Variants in PTPRD observed in about 807,000 individuals in gnomAD.
PTPRD encodes receptor-type tyrosine-protein phosphatase delta.
A neutral mutation model predicts 214.5 loss-of-function variants in PTPRD; 34 were observed. That is an observed-to-expected ratio of 0.16 (90% CI 0.12 to 0.21). The LOEUF is 0.21. PTPRD is among the 10% of genes least tolerant of loss of function. The pLI, the probability that PTPRD is intolerant of heterozygous loss-of-function variation, is 1.00. For synonymous variants in PTPRD, 1,128 were observed against 845.7 expected, an observed-to-expected ratio of 1.33 and a Z score of -5.79; for missense variants, 2,545 against 2,398.7, an observed-to-expected ratio of 1.06 and a Z score of -1.27.
rs188592748 is a variant in PTPRD, at chr9:8,683,528, C to G, written c.65-46684G>C. Among the ~76,000 whole-genome samples, 585 of 152,236 alleles carry G rather than the reference C, an allele frequency of 3.8e-3. 3 individuals carry two copies. The highest frequency in any genetic ancestry group is 0.013 in the African/African-American group (554 of 41,540). On this transcript the variant is annotated intron_variant, in intron 12 of 45. Transcript: ENST00000381196. ...TCAGCTCCAACCTGACTCTCAGAAC[C>G]CACCTCCTCTATATGTCATCAAGGA...
At chr9:9,370,635 C>T (rs1346406511) in intron 9 of PTPRD, among the ~76,000 whole-genome samples, 1 of 151,608 alleles carries the variant, frequency 6.6e-6, no homozygotes, top group African/African-American at 2.4e-5. Flanking sequence ...CTGGCCAGAA[C>T]TTCCAACACT....
At chr9:8,755,312 A>G (rs1475198000) in intron 11 of PTPRD, among the ~76,000 whole-genome samples, 1 of 151,806 alleles carries the variant, frequency 6.6e-6, no homozygotes, top group Non-Finnish European at 1.5e-5. Context: ...GACGGATCAC[A>G]TGAGGTCAGG....
At chr9:8,607,797 A>G (rs918729309) in intron 14 of PTPRD, among the ~76,000 whole-genome samples, 2 of 152,210 alleles carry the variant, frequency 1.3e-5, no homozygotes, top group African/African-American at 2.4e-5. Context: ...ATAAATAAAC[A>G]CAAATATTTA....
chr9:8,554,817 C>T (rs776481543), intron 14 of PTPRD, among the ~76,000 whole-genome samples: 1 of 152,118 alleles, frequency 6.6e-6, no homozygotes. Flanking sequence ...GCAAACCCCA[C>T]AAAACACTAA....
At chr9:8,875,969 A>G (rs2098385152) in intron 11 of PTPRD, among the ~76,000 whole-genome samples, 1 of 152,174 alleles carries the variant, frequency 6.6e-6, no homozygotes, top group South Asian at 2.1e-4. Flanking sequence ...GAATTCACCA[A>G]TCCTGTAGCC....
At chr9:9,260,738 C>T (rs939723480) in intron 9 of PTPRD, among the ~76,000 whole-genome samples, 13 of 151,814 alleles carry the variant, frequency 8.6e-5, no homozygotes, top group Non-Finnish European at 1.5e-4. Flanking sequence ...TAGAATAGTG[C>T]GGGTGAAATA....
Position 8,487,318 on chromosome 9 carries a change from C to G in PTPRD, c.2468-969G>C, listed in dbSNP as rs377202247. ...GATATGTGAAAAGGTCTAATCTACT[C>G]ATTCAATGTATTATTATGTCTGTAT... is the stretch of plus-strand genomic sequence containing the variant. On this transcript the variant is annotated intron_variant, in intron 27 of 45. Coordinates refer to ENST00000381196, the MANE Select transcript of PTPRD (RefSeq NM_002839.4). 2.5e-4 allele frequency among the ~76,000 whole-genome samples: 38 copies of G among 152,164 alleles called. 1 individual carries two copies. In the East Asian group the frequency reaches 5.8e-3, roughly 23 times the overall value.
chr9:9,592,089 T>G (rs957166248), intron 7 of PTPRD, among the ~76,000 whole-genome samples: 2 of 152,096 alleles, frequency 1.3e-5, no homozygotes, highest in Non-Finnish European at 2.9e-5. Flanking sequence ...TTTTTCAATA[T>G]GGACTTAAAA....
At chr9:10,085,812 G>A (rs2154193591) in intron 3 of PTPRD, among the ~76,000 whole-genome samples, 1 of 151,946 alleles carries the variant, frequency 6.6e-6, no homozygotes, top group Middle Eastern at 3.4e-3. Flanking sequence ...AAAACATTCT[G>A]CCTCATCAGT....
At chr9:10,197,057 G>C (rs562798274) in intron 3 of PTPRD, among the ~76,000 whole-genome samples, 1 of 152,134 alleles carries the variant, frequency 6.6e-6, no homozygotes, top group East Asian at 1.9e-4. Flanking sequence ...AAGCCCCCTA[G>C]TTTATGCTGT....
intron 42 of PTPRD, among the ~76,000 whole-genome samples, chr9:8,339,606 C>A (rs6477292): frequency 0.87 from 132,911 of 152,126 alleles, 58,157 homozygotes; most frequent in African/African-American, 0.93. Context: ...TTACTTTCCT[C>A]GTCTGATATT....
At chr9:9,914,084 T>C (rs2079988379) in intron 5 of PTPRD, among the ~76,000 whole-genome samples, 1 of 152,162 alleles carries the variant, frequency 6.6e-6, no homozygotes, top group Non-Finnish European at 1.5e-5. Context: ...TAAATAATCT[T>C]ACAGTCCTGC....
chr9:9,818,505 A>G (rs1436584219), intron 5 of PTPRD, among the ~76,000 whole-genome samples: 1 of 152,164 alleles, frequency 6.6e-6, no homozygotes, highest in Non-Finnish European at 1.5e-5. Flanking sequence ...GAAATAATAT[A>G]TAAGTAGAAA....
At chr9:10,274,197 G>A (rs1595889638) in intron 3 of PTPRD, among the ~76,000 whole-genome samples, 1 of 152,162 alleles carries the variant, frequency 6.6e-6, no homozygotes, top group South Asian at 2.1e-4. Flanking sequence ...TAAGCCATAT[G>A]AAAACTGGAT....
chr9:10,195,045 G>A (rs1362217620), intron 3 of PTPRD, among the ~76,000 whole-genome samples: 1 of 146,100 alleles, frequency 6.8e-6, no homozygotes, highest in African/African-American at 2.5e-5. Flanking sequence ...CAATTCTCCT[G>A]CCTCAGCCTT....
intron 3 of PTPRD, among the ~76,000 whole-genome samples, chr9:10,220,077 C>T (rs1027147603): frequency 4.0e-5 from 6 of 151,646 alleles, no homozygotes; most frequent in Non-Finnish European, 5.9e-5. Context: ...TATTTTATAC[C>T]TATTAACGTG....
intron 10 of PTPRD, among the ~76,000 whole-genome samples, chr9:9,109,841 G>C (rs2099803618): frequency 6.6e-6 from 1 of 152,076 alleles, no homozygotes; most frequent in Non-Finnish European, 1.5e-5. Context: ...GGAGAGTCTG[G>C]GGATGTGCCA....
chr9:8,806,554 G>A (rs1248943189), intron 11 of PTPRD, among the ~76,000 whole-genome samples: 2 of 152,094 alleles, frequency 1.3e-5, no homozygotes, highest in African/African-American at 4.8e-5. Flanking sequence ...GCTTTAAAAA[G>A]TGTATGCTAT....
At chr9:9,217,615 C>G (rs900573186) in intron 9 of PTPRD, among the ~76,000 whole-genome samples, 3 of 151,992 alleles carry the variant, frequency 2.0e-5, no homozygotes, top group Non-Finnish European at 4.4e-5. Flanking sequence ...GCATATTATT[C>G]CCTTCCTTAA....
Sources: allele counts gnomAD v4.1 joint callset (sites outside exome capture counted in the v4.1 genomes callset), GRCh38; gene constraint gnomAD v4.1.1; transcripts MANE v1.5; gene names NCBI Gene and HGNC (gene_info 2026-07-23, HGNC 2026-07-21).